Variants in SBF2 observed in about 807,000 individuals in gnomAD.
The protein encoded by SBF2 is myotubularin-related protein 13.
Under a neutral mutation model 225.2 loss-of-function variants are expected in SBF2, and 112 were observed. That is an observed-to-expected ratio of 0.50 (90% CI 0.43 to 0.58). The LOEUF (loss-of-function observed/expected upper bound fraction) is 0.58, where lower values mean the gene tolerates loss of function less well. Ranked by LOEUF, SBF2 falls within the 20% of genes least tolerant of loss-of-function variation. SBF2 has a pLI of 0.00. For missense variants in SBF2, 1,996 were observed against 2,206.2 expected (o/e 0.90, Z 1.91); for synonymous variants, 763 against 773.3 (o/e 0.99, Z 0.22).
At chr11:9,868,345 A>T (rs1329870539) in intron 17 of SBF2, among the ~76,000 whole-genome samples, 2 of 138,692 alleles carry the variant, frequency 1.4e-5, no homozygotes. Flanking sequence ...TACAAAAAAA[A>T]AAAAAAAAAA....
chr11:10,061,055 A>C (rs1950427149), intron 2 of SBF2, among the ~76,000 whole-genome samples: 1 of 152,108 alleles, frequency 6.6e-6, no homozygotes, highest in Non-Finnish European at 1.5e-5. Flanking sequence ...TAAACAAATA[A>C]ATCTGTAAAT....
rs568994861 is a variant in SBF2, at chr11:9,951,419, C to T, written c.1860+10538G>A. Among the ~76,000 whole-genome samples the T allele has an allele frequency of 3.9e-5, 6 of 152,094 alleles. No individual in the cohort carries two copies. In the South Asian group the frequency reaches 1.0e-3, roughly 26 times the overall value. ...AGGGTAACCAGTTAAGAAGTTGGTG[C>T]GGTAGCAGAATTTAGGAGATGAATT... On this transcript the variant is annotated intron_variant, in intron 16 of 39. Coordinates refer to ENST00000256190, the MANE Select transcript of SBF2 (RefSeq NM_030962.4).
chr11:10,216,616 T>C (rs946564713), intron 1 of SBF2, among the ~76,000 whole-genome samples: 2 of 152,250 alleles, frequency 1.3e-5, no homozygotes, highest in African/African-American at 4.8e-5. Context: ...ACGCCTGTAA[T>C]CCCAGCACTG....
At chr11:10,186,011 G>C (rs896836778) in intron 2 of SBF2, among the ~76,000 whole-genome samples, 1 of 152,152 alleles carries the variant, frequency 6.6e-6, no homozygotes, top group Non-Finnish European at 1.5e-5. Context: ...TTAAGGATAA[G>C]ATAAATTGCT....
intron 28 of SBF2, among the ~76,000 whole-genome samples, chr11:9,823,811 G>A (rs1393769421): frequency 2.0e-5 from 3 of 152,238 alleles, no homozygotes; most frequent in African/African-American, 7.2e-5. Context: ...AGATCACAGA[G>A]AATGTTGAAG....
intron 1 of SBF2, among the ~76,000 whole-genome samples, chr11:10,289,565 T>A (rs1964031628): frequency 6.6e-6 from 1 of 151,988 alleles, no homozygotes; most frequent in Non-Finnish European, 1.5e-5. Flanking sequence ...GGGGGGTGCC[T>A]CCAGGAGCAG....
Position 9,844,812 on chromosome 11 carries a change from A to G in SBF2, c.3110+753T>C, listed in dbSNP as rs577076609. 2.0e-5 allele frequency among the ~76,000 whole-genome samples: 3 copies of G among 152,306 alleles called. No homozygotes were observed. The East Asian group carries it at 5.8e-4, about 29-fold the overall frequency. ...GCATGCAGGGTTTAAAACCTAGATG[A>G]TGGATTGATGGCTGCAGCACACCAC... On this transcript the variant is annotated intron_variant, in intron 24 of 39. Coordinates refer to ENST00000256190, the MANE Select transcript of SBF2 (RefSeq NM_030962.4).
At chr11:9,853,752 A>G (rs2060320787) in intron 19 of SBF2, 40 bp from the exon 20 acceptor site, 2 of 1,565,866 alleles carry the variant, frequency 1.3e-6, no homozygotes, top group Non-Finnish European at 1.8e-6. Context: ...CAGTACTTAA[A>G]TGCAACAAAT....
chr11:10,123,595 C>T (rs541703721), intron 2 of SBF2, among the ~76,000 whole-genome samples: 2 of 151,752 alleles, frequency 1.3e-5, no homozygotes, highest in East Asian at 3.9e-4. Flanking sequence ...CTAACAGTGC[C>T]TAATGGTTAT....
chr11:9,969,929 C>A (rs1867216230), intron 13 of SBF2, among the ~76,000 whole-genome samples: 2 of 152,166 alleles, frequency 1.3e-5, no homozygotes, highest in Admixed American at 6.5e-5. Flanking sequence ...GCTGAACACA[C>A]ATAAGGATTG....
intron 2 of SBF2, among the ~76,000 whole-genome samples, chr11:10,118,565 T>C (rs192098377): frequency 2.0e-5 from 3 of 152,102 alleles, no homozygotes; most frequent in Admixed American, 2.0e-4. Context: ...ACAAAGAATT[T>C]AAATTCTATA....
intron 2 of SBF2, among the ~76,000 whole-genome samples, chr11:10,104,291 GAAAACAA>G (rs1952457233): frequency 6.6e-6 from 1 of 151,970 alleles, no homozygotes; most frequent in Non-Finnish European, 1.5e-5. Context: ...AGAAGAATTT[GAAAACAA>G]AAAAGAAAAA....
intron 1 of SBF2, among the ~76,000 whole-genome samples, chr11:10,245,945 G>T (rs1452870164): frequency 6.6e-6 from 1 of 152,194 alleles, no homozygotes; most frequent in East Asian, 1.9e-4. Context: ...ACTCACAAAA[G>T]AACAGTAGAA....
At chr11:10,182,231 T>TG (rs1037761450) in intron 2 of SBF2, among the ~76,000 whole-genome samples, 10 of 152,046 alleles carry the variant, frequency 6.6e-5, no homozygotes, top group East Asian at 1.9e-4. Context: ...GAGATCAAAA[T>TG]GGGGGGGTAG....
At chr11:10,135,691 A>G (rs190540602) in intron 2 of SBF2, among the ~76,000 whole-genome samples, 103 of 152,296 alleles carry the variant, frequency 6.8e-4, no homozygotes, top group Admixed American at 4.3e-3. Flanking sequence ...CCAGTTCCCA[A>G]TAAGTTCTTC....
intron 1 of SBF2, among the ~76,000 whole-genome samples, chr11:10,273,426 A>G (rs1287872590): frequency 6.6e-6 from 1 of 152,286 alleles, no homozygotes; most frequent in Non-Finnish European, 1.5e-5. Flanking sequence ...CAAACAGAAA[A>G]GACTACAATG....
chr11:9,959,246 C>A, intron 16 of SBF2: 1 of 776,260 alleles, frequency 1.3e-6, no homozygotes, highest in Non-Finnish European at 2.4e-6. Context: ...GCAATCTTGA[C>A]TCCAGAATAC....
chr11:10,166,547 AT>A (rs1478617652), intron 2 of SBF2, among the ~76,000 whole-genome samples: 1 of 152,214 alleles, frequency 6.6e-6, no homozygotes, highest in Non-Finnish European at 1.5e-5. Flanking sequence ...ACACAAAAAA[AT>A]GTTAATCTAA....
intron 30 of SBF2, 47 bp from the exon 31 acceptor site, chr11:9,809,049 T>G: frequency 5.8e-6 from 8 of 1,387,866 alleles, no homozygotes; most frequent in Non-Finnish European, 8.2e-6. Flanking sequence ...GCTTTCTGAG[T>G]GCAGAAGTCA....
Sources: gnomAD v4.1 joint callset for allele counts (sites outside exome capture counted in the v4.1 genomes callset) on GRCh38, gnomAD v4.1.1 for gene constraint, MANE v1.5 for transcripts, NCBI Gene and HGNC (gene_info 2026-07-23, HGNC 2026-07-21) for gene names.